Variants in CBFA2T3 observed in about 807,000 individuals in gnomAD.
CBFA2T3 encodes the protein CBFA2/RUNX1 partner transcriptional co-repressor 3, also known as transcriptional corepressor CBFA2T3.
A neutral mutation model predicts 58.6 loss-of-function variants in CBFA2T3; 31 were observed. The ratio of observed to expected loss-of-function variants is 0.53; its 90% confidence interval spans 0.40 to 0.71. The LOEUF is 0.71. Among genes scored for constraint, CBFA2T3 ranks in the 30% least tolerant of loss-of-function variants. The probability of loss-of-function intolerance (pLI) is 0.00; values close to 1 mark genes in which losing one functional copy is unlikely to be tolerated. For synonymous variants in CBFA2T3, 531 were observed against 421.9 expected, an observed-to-expected ratio of 1.26 and a Z score of -3.17; for missense variants, 1,076 against 963.1, an observed-to-expected ratio of 1.12 and a Z score of -1.55.
chr16:88,884,915 G>A (rs1969294967), intron 7 of CBFA2T3, 131 bp downstream of exon 7: 2 of 660,402 alleles, frequency 3.0e-6, no homozygotes, highest in South Asian at 2.0e-5. Flanking sequence ...CAGGCAGGGG[G>A]AAGGGGTCTC....
chr16:88,885,370 A>G lies in CBFA2T3; in HGVS notation c.894-101T>C. 1 of 767,486 alleles carries G rather than the reference A, an allele frequency of 1.3e-6. No individual in the cohort carries two copies. The highest frequency in any genetic ancestry group is 2.0e-6 in the Non-Finnish European group (1 of 509,138). The allele number at this position is 767,486 out of a possible 1,614,324, so 47.5% of individuals were successfully genotyped here. On this transcript the variant is annotated intron_variant, in intron 6 of 11. Transcript: ENST00000268679. The surrounding 1 kb of genome is among the most constrained non-coding windows in gnomAD (Gnocchi z 5.3). Reference sequence around the variant, plus strand: ...GGCAGACAGGCAAGGGCAGAGAGAAAGAGGACACGTAAGGGCGAGACAGAA... The same window carrying G: ...GGCAGACAGGCAAGGGCAGAGAGAAGGAGGACACGTAAGGGCGAGACAGAA...
intron 1 of CBFA2T3, among the ~76,000 whole-genome samples, chr16:88,959,977 C>T (rs1168749896): frequency 6.6e-6 from 1 of 151,932 alleles, no homozygotes; most frequent in Non-Finnish European, 1.5e-5. Context: ...TGCAGTGAGC[C>T]GAGATTGCAC....
chr16:88,902,610 C>T lies in CBFA2T3; in HGVS notation c.152-954G>A, dbSNP rs945812304. The T allele has an allele frequency of 2.0e-5, 3 of 152,338 alleles. No homozygotes were observed. In the East Asian group the frequency reaches 5.8e-4, roughly 29 times the overall value. 9.4% of individuals were successfully genotyped at this position (152,338 alleles called of 1,614,324 possible). On this transcript the variant is annotated intron_variant, in intron 1 of 11. Coordinates refer to ENST00000268679, the MANE Select transcript of CBFA2T3 (RefSeq NM_005187.6). The stretch of plus-strand genomic sequence containing the variant: ...GAAGGGCCTGCAGCACAGACGTGCC[C>T]GAGACACCAGGAGGCCAAGCCAGCA...
chr16:88,932,301 A>G (rs1236597066), intron 1 of CBFA2T3, among the ~76,000 whole-genome samples: 1 of 148,510 alleles, frequency 6.7e-6, no homozygotes, highest in Non-Finnish European at 1.5e-5. Context: ...ACACACTTCC[A>G]GGAAAGAGGC....
At chr16:88,922,116 T>C (rs557893) in intron 1 of CBFA2T3, among the ~76,000 whole-genome samples, 135,029 of 152,300 alleles carry the variant, frequency 0.89, 60,200 homozygotes, top group African/African-American at 0.97. Flanking sequence ...CTGGGTTCAA[T>C]GGCTGAGGCT....
At position 88,972,885 on chromosome 16, in the gene CBFA2T3, C is replaced by A. The variant is rs534255039; in HGVS notation, c.151+3772G>T. Among the ~76,000 whole-genome samples the A allele has an allele frequency of 3.3e-5, 5 of 152,330 alleles. No individual in the cohort carries two copies. The East Asian group carries it at 9.6e-4, about 29-fold the overall frequency. ...GCTGTGATGGCACTTTGCTCACAGA[C>A]ACAGGTCTGACAGCTACCATCCGGC... On this transcript the variant is annotated intron_variant, in intron 1 of 11. Transcript: ENST00000268679.
rs1386635245 is a variant in CBFA2T3, at chr16:88,949,685, C to T, written c.151+26972G>A. ...TACAAGCACTCAAAATAACGCTCAACAAACTTCATGAGTAGGCAAATCCCA... is the reference window on the plus strand; with the variant it reads ...TACAAGCACTCAAAATAACGCTCAATAAACTTCATGAGTAGGCAAATCCCA... On this transcript the variant is annotated intron_variant, in intron 1 of 11. Transcript: ENST00000268679. Among the ~76,000 whole-genome samples, 211 of 152,144 alleles carry T rather than the reference C, an allele frequency of 1.4e-3. 2 individuals carry two copies. The highest frequency in any genetic ancestry group is 1.2e-4 in the Non-Finnish European group (8 of 68,004).
intron 1 of CBFA2T3, among the ~76,000 whole-genome samples, chr16:88,965,098 T>TCCATCCAC (rs1972467036): frequency 6.7e-6 from 1 of 149,998 alleles, no homozygotes; most frequent in Non-Finnish European, 1.5e-5. Flanking sequence ...TATCCATCCA[T>TCCATCCAC]CCATCCATCC....
rs1355851543 is a variant in CBFA2T3, at chr16:88,915,219, CGTGGGTGTGGG to C, written c.152-13574_152-13564del. 4.8e-4 allele frequency among the ~76,000 whole-genome samples: 5 copies of C among 10,492 alleles called. No homozygotes were observed. In the South Asian group the frequency reaches 0.02, roughly 43 times the overall value. 6.9% of individuals were successfully genotyped at this position (10,492 alleles called of 152,430 possible). A position where few individuals can be genotyped will look rare whatever the true frequency, so the allele number is the denominator to read the frequency against. ...GCGTGGGTGTGGGGTGGGGAGGAGG[CGTGGGTGTGGG>C]GTGGGGAGGAGATGGGGCTGGGGGG... On this transcript the variant is annotated intron_variant, in intron 1 of 11. Transcript: ENST00000268679.
chr16:88,880,261 C>T (rs1487494689), intron 10 of CBFA2T3, among the ~76,000 whole-genome samples: 2 of 152,178 alleles, frequency 1.3e-5, no homozygotes, highest in Non-Finnish European at 2.9e-5. Context: ...ACCCTAACCC[C>T]TCTTGCTGCC....
In CBFA2T3 at chr16:88,879,326, G is replaced by A. The variant is rs748831977; in HGVS notation, c.1606C>T (p.Arg536Trp). The A allele has an allele frequency of 4.3e-6, 7 of 1,610,698 alleles. No homozygotes were observed. Among genetic ancestry groups the A allele is most frequent in the African/African-American group, 1.3e-5 (1 of 74,892 alleles). Residue 536 changes from arginine to tryptophan, a missense_variant, in exon 11 of 12, where the codon CGG becomes TGG. Coordinates refer to ENST00000268679, the MANE Select transcript of CBFA2T3 (RefSeq NM_005187.6). ...GTCAGGGCGTCCTCGGAGGCCTGCC[G>A]CTTCGCCTCGGCCAGGGCCCGCTCC... ...KMERALAEAK[R>W]QASEDALTVI...
intron 1 of CBFA2T3, among the ~76,000 whole-genome samples, chr16:88,916,189 G>GGT (rs550076528): frequency 6.9e-6 from 1 of 145,182 alleles, no homozygotes; most frequent in African/African-American, 2.5e-5. Flanking sequence ...TGTGCGCATG[G>GGT]GTGTGTGTCC....
At chr16:88,936,744 T>A (rs1015410965) in intron 1 of CBFA2T3, 14 of 152,420 alleles carry the variant, frequency 9.2e-5, no homozygotes, top group African/African-American at 3.4e-4. Flanking sequence ...CATCTGGCTC[T>A]CAGTGAGGTC....
Position 88,932,248 on chromosome 16 carries a change from C to G in CBFA2T3, c.152-30592G>C, listed in dbSNP as rs575507719. Reference sequence around the variant, plus strand: ...CCCCTCACATGGCCCCCGCTTCCCCCTCACACGGCCCCCACTTCCCCATCC... The same window carrying G: ...CCCCTCACATGGCCCCCGCTTCCCCGTCACACGGCCCCCACTTCCCCATCC... On this transcript the variant is annotated intron_variant, in intron 1 of 11. Coordinates refer to ENST00000268679, the MANE Select transcript of CBFA2T3 (RefSeq NM_005187.6). 5.5e-3 allele frequency among the ~76,000 whole-genome samples: 786 copies of G among 143,858 alleles called. 6 individuals are homozygous for G. The highest frequency in any genetic ancestry group is 8.9e-3 in the Non-Finnish European group (586 of 66,142). The allele number at this position is 143,858 out of a possible 152,430, so 94.4% of individuals were successfully genotyped here. A position where few individuals can be genotyped will look rare whatever the true frequency, so the allele number is the denominator to read the frequency against.
rs553798524 is a variant in CBFA2T3, at chr16:88,914,833, A to G, written c.152-13177T>C. 3.9e-5 allele frequency among the ~76,000 whole-genome samples: 6 copies of G among 152,304 alleles called. No homozygotes were observed. In the East Asian group the frequency reaches 5.8e-4, roughly 15 times the overall value. ...CCAAAGGGCCGCAAATGGGACCCAG[A>G]TGTCTGGGGCCTGCTTGCCCCGTGG... On this transcript the variant is annotated intron_variant, in intron 1 of 11. Transcript: ENST00000268679.
At chr16:88,966,046 CT>C (rs1392914902) in intron 1 of CBFA2T3, among the ~76,000 whole-genome samples, 4 of 152,194 alleles carry the variant, frequency 2.6e-5, no homozygotes, top group African/African-American at 7.2e-5. Context: ...AGAGTTCCCC[CT>C]GGGCCACTCC....
At chr16:88,927,518 A>G (rs1406555889) in intron 1 of CBFA2T3, among the ~76,000 whole-genome samples, 1 of 152,168 alleles carries the variant, frequency 6.6e-6, no homozygotes, top group African/African-American at 2.4e-5. Context: ...ACCCTTCATG[A>G]GGTCAGAGCT....
chr16:88,884,044 C>T (rs1969249035), intron 7 of CBFA2T3: 1 of 152,264 alleles, frequency 6.6e-6, no homozygotes, highest in Non-Finnish European at 1.5e-5. Flanking sequence ...GCTCTGCCGC[C>T]TGTGAAGCTG....
chr16:88,921,084 C>G (rs1229120494), intron 1 of CBFA2T3, among the ~76,000 whole-genome samples: 1 of 152,250 alleles, frequency 6.6e-6, no homozygotes, highest in Non-Finnish European at 1.5e-5. Flanking sequence ...TTCCCCCAGG[C>G]AAGGCCTGCC....
Sources: gnomAD v4.1 joint callset for allele counts (sites outside exome capture counted in the v4.1 genomes callset) on GRCh38, gnomAD v4.1.1 for gene constraint, Gnocchi (gnomAD v3.1) non-coding constraint, MANE v1.5 for transcripts, NCBI Gene and HGNC (gene_info 2026-07-23, HGNC 2026-07-21) for gene names.